IQGAP2: variants seen among roughly 807,000 people sequenced by gnomAD.
IQGAP2 encodes ras GTPase-activating-like protein IQGAP2.
Under a neutral mutation model 201.3 loss-of-function variants are expected in IQGAP2, and 173 were observed. That is an observed-to-expected ratio of 0.86 (90% confidence interval 0.76 to 0.98). The LOEUF (loss-of-function observed/expected upper bound fraction) is 0.98, where lower values mean the gene tolerates loss of function less well. Ranked by LOEUF, IQGAP2 falls within the 50% of genes least tolerant of loss-of-function variation. The pLI is 0.00. For synonymous variants in IQGAP2, 675 were observed against 673.9 expected (o/e 1.00, Z -0.03); for missense variants, 1,687 against 1,864.8 (o/e 0.90, Z 1.76).
chr5:76,523,183 C>T (rs1011864867), intron 2 of IQGAP2, among the ~76,000 whole-genome samples: 2 of 146,604 alleles, frequency 1.4e-5, no homozygotes, highest in African/African-American at 2.5e-5. Flanking sequence ...CTCCCATGCT[C>T]AAGTGATTCT....
In IQGAP2 at chr5:76,465,308, A is replaced by G. The variant is rs551535357; in HGVS notation, c.146+3639A>G. The stretch of plus-strand genomic sequence containing the variant: ...ATTAATGGAAGAAAGGACAGAAGCC[A>G]TATGATCATCTCAATATATGCAGGA... On this transcript the variant is annotated intron_variant, in intron 2 of 35. Coordinates refer to ENST00000274364, the MANE Select transcript of IQGAP2 (RefSeq NM_006633.5). Among the ~76,000 whole-genome samples the G allele has an allele frequency of 2.0e-5, 3 of 152,358 alleles. No homozygotes were observed. In the East Asian group the frequency reaches 5.8e-4, roughly 29 times the overall value.
chr5:76,524,097 C>T (rs1758840680), intron 2 of IQGAP2, among the ~76,000 whole-genome samples: 3 of 152,168 alleles, frequency 2.0e-5, no homozygotes, highest in Non-Finnish European at 4.4e-5. Context: ...GGGTCACTCT[C>T]TGTTAGGAGA....
At chr5:76,566,517 A>C (rs984355539) in intron 3 of IQGAP2, among the ~76,000 whole-genome samples, 1 of 152,192 alleles carries the variant, frequency 6.6e-6, no homozygotes, top group Admixed American at 6.5e-5. Context: ...ATGAGATTGC[A>C]CAGCCATGCA....
intron 1 of IQGAP2, among the ~76,000 whole-genome samples, chr5:76,412,050 T>A (rs1751153251): frequency 1.3e-5 from 2 of 152,230 alleles, no homozygotes; most frequent in African/African-American, 4.8e-5. Flanking sequence ...CCTTACAGTG[T>A]TATTCATTTA....
Position 76,461,190 on chromosome 5 carries a change from T to C in IQGAP2, c.47-380T>C, listed in dbSNP as rs1181831065. Among the ~76,000 whole-genome samples the C allele has an allele frequency of 3.3e-5, 5 of 151,730 alleles. No individual in the cohort carries two copies. In the East Asian group the frequency reaches 9.8e-4, roughly 30 times the overall value. On this transcript the variant is annotated intron_variant, in intron 1 of 35. Coordinates refer to ENST00000274364, the MANE Select transcript of IQGAP2 (RefSeq NM_006633.5). ...GCCGCACCTGGCCTTGATTCACTTGTTAGAAATAATACTGTAAAAATAAAA... is the reference window on the plus strand; with the variant it reads ...GCCGCACCTGGCCTTGATTCACTTGCTAGAAATAATACTGTAAAAATAAAA...
intron 2 of IQGAP2, among the ~76,000 whole-genome samples, chr5:76,527,584 T>C (rs1195062946): frequency 3.3e-5 from 5 of 152,208 alleles, no homozygotes; most frequent in African/African-American, 1.2e-4. Flanking sequence ...TTTCAACATA[T>C]AATAATTTAT....
intron 28 of IQGAP2, among the ~76,000 whole-genome samples, chr5:76,681,929 T>C (rs779755032): frequency 6.6e-6 from 1 of 152,214 alleles, no homozygotes; most frequent in Non-Finnish European, 1.5e-5. Context: ...TGCTACAACA[T>C]GGAGGAACCT....
chr5:76,654,296 T>C, intron 19 of IQGAP2, 25 bp downstream of exon 19: 1 of 1,483,228 alleles, frequency 6.7e-7, no homozygotes, highest in African/African-American at 1.4e-5. Context: ...TGTGGGATTT[T>C]ATCCAGGTTG....
At chr5:76,507,539 T>A (rs776725435) in intron 2 of IQGAP2, among the ~76,000 whole-genome samples, 7 of 152,130 alleles carry the variant, frequency 4.6e-5, no homozygotes, top group Non-Finnish European at 7.4e-5. Flanking sequence ...ATCGATAAAC[T>A]GGACTTAAAT....
In IQGAP2 at chr5:76,486,830, A is replaced by G. The variant is rs371423006; in HGVS notation, c.146+25161A>G. Among the ~76,000 whole-genome samples the G allele has an allele frequency of 6.6e-5, 10 of 152,146 alleles. No homozygotes were observed. The East Asian group carries it at 7.7e-4, about 12-fold the overall frequency. On this transcript the variant is annotated intron_variant, in intron 2 of 35. Transcript: ENST00000274364. Reference sequence around the variant, plus strand: ...AGCCACCATTACAAGCTCAGTTATAAGTAATAAGTGAACTGTTTCTCATTT... The same window carrying G: ...AGCCACCATTACAAGCTCAGTTATAGGTAATAAGTGAACTGTTTCTCATTT...
chr5:76,474,791 C>T (rs776034588), intron 2 of IQGAP2, among the ~76,000 whole-genome samples: 2 of 152,216 alleles, frequency 1.3e-5, no homozygotes, highest in Non-Finnish European at 2.9e-5. Flanking sequence ...TCTCTAAGGA[C>T]AACCTCCGCC....
chr5:76,634,625 A>G (rs1750978150), intron 15 of IQGAP2, among the ~76,000 whole-genome samples: 1 of 152,126 alleles, frequency 6.6e-6, no homozygotes, highest in Non-Finnish European at 1.5e-5. Context: ...CATCCCAAGC[A>G]ATTAAAGACT....
intron 2 of IQGAP2, among the ~76,000 whole-genome samples, chr5:76,510,166 A>AT (rs1273534013): frequency 6.6e-6 from 1 of 151,804 alleles, no homozygotes; most frequent in Non-Finnish European, 1.5e-5. Flanking sequence ...TGCCCGGCTA[A>AT]TTTTTGTATT....
In IQGAP2 at chr5:76,701,946, C is replaced by A. The variant is rs998769329; in HGVS notation, c.4506-536C>A. On this transcript the variant is annotated intron_variant, in intron 34 of 35. Coordinates refer to ENST00000274364, the MANE Select transcript of IQGAP2 (RefSeq NM_006633.5). ...CACCTCCCAGGTTCAAGCGATTCTC[C>A]TGCCTCAGCCTCGCGAGTAGCTGGG... is the stretch of plus-strand genomic sequence containing the variant. 3 of 153,288 alleles carry A rather than the reference C, an allele frequency of 2.0e-5. No individual in the cohort carries two copies. The East Asian group carries it at 5.7e-4, about 29-fold the overall frequency. The allele number at this position is 153,288 out of a possible 1,614,324, so 9.5% of individuals were successfully genotyped here.
At chr5:76,550,717 G>T (rs1414634940) in intron 2 of IQGAP2, among the ~76,000 whole-genome samples, 1 of 152,228 alleles carries the variant, frequency 6.6e-6, no homozygotes, top group Non-Finnish European at 1.5e-5. Context: ...ATTTTTCTTA[G>T]TACAGAACAA....
intron 15 of IQGAP2, among the ~76,000 whole-genome samples, chr5:76,635,940 AT>A (rs1354543602): frequency 6.6e-6 from 1 of 152,158 alleles, no homozygotes; most frequent in East Asian, 1.9e-4. Flanking sequence ...TGTACAATGT[AT>A]TTTCTAGTAG....
At chr5:76,570,815 T>C (rs1378097464) in intron 4 of IQGAP2, among the ~76,000 whole-genome samples, 158 bp downstream of exon 4, 2 of 152,206 alleles carry the variant, frequency 1.3e-5, no homozygotes, top group Non-Finnish European at 2.9e-5. Context: ...AAGTAACATA[T>C]GGCAAGAACT....
At chr5:76,565,800 G>A (rs770048296) in intron 3 of IQGAP2, among the ~76,000 whole-genome samples, 9 of 152,144 alleles carry the variant, frequency 5.9e-5, no homozygotes, top group Non-Finnish European at 1.2e-4. Context: ...TATGCTGAGT[G>A]TGATACTCTT....
At chr5:76,694,553 AT>A (rs1746552499) in intron 31 of IQGAP2, among the ~76,000 whole-genome samples, 1 of 152,220 alleles carries the variant, frequency 6.6e-6, no homozygotes, top group Non-Finnish European at 1.5e-5. Context: ...AATGGGTATA[AT>A]AATAGTACCC....
Sources: gnomAD v4.1 joint callset for allele counts (sites outside exome capture counted in the v4.1 genomes callset) on GRCh38, gnomAD v4.1.1 for gene constraint, MANE v1.5 for transcripts, NCBI Gene and HGNC (gene_info 2026-07-23, HGNC 2026-07-21) for gene names.